NFYC: variants seen among roughly 807,000 people sequenced by gnomAD.
NFYC encodes CAAT box DNA-binding protein subunit C.
Under a neutral mutation model 53.1 loss-of-function variants are expected in NFYC, and 25 were observed. The observed-to-expected ratio is 0.47, with a 90% CI of 0.34 to 0.66. The LOEUF (loss-of-function observed/expected upper bound fraction) is 0.66, where lower values mean the gene tolerates loss of function less well. Among genes scored for constraint, NFYC ranks in the 30% least tolerant of loss-of-function variants. The pLI, the probability that NFYC is intolerant of heterozygous loss-of-function variation, is 0.01. For synonymous variants in NFYC, 145 were observed against 152.6 expected (o/e 0.95, Z 0.37); for missense variants, 260 against 422.7 (o/e 0.62, Z 3.38).
chr1:40,694,609 A>G (rs12060189), intron 1 of NFYC, among the ~76,000 whole-genome samples: 18,679 of 152,164 alleles, frequency 0.12, 1,273 homozygotes, highest in African/African-American at 0.15. Context: ...CGTTTTTAGT[A>G]AGACTAGACA....
At position 40,739,162 on chromosome 1, in the gene NFYC, C is replaced by T. The variant is rs114574097; in HGVS notation, c.105+214C>T. ...TTATATCTCAGTGTTCTTCCATAGG[C>T]GTGTGGTGTGCAGTGGATACTTTGA... On this transcript the variant is annotated intron_variant, in intron 2 of 9. Transcript: ENST00000447388. Among the ~76,000 whole-genome samples, 758 of 152,204 alleles carry T rather than the reference C, an allele frequency of 5.0e-3. 5 individuals carry two copies. The highest frequency in any genetic ancestry group is 0.017 in the African/African-American group (716 of 41,524).
At chr1:40,763,998 A>C (rs1646694548) in intron 7 of NFYC, among the ~76,000 whole-genome samples, 1 of 152,230 alleles carries the variant, frequency 6.6e-6, no homozygotes, top group Non-Finnish European at 1.5e-5. Flanking sequence ...TTTGGCTTTC[A>C]TATAACTTAT....
At chr1:40,750,281 A>C (rs774353264) in intron 4 of NFYC, among the ~76,000 whole-genome samples, 18 of 152,208 alleles carry the variant, frequency 1.2e-4, no homozygotes, top group East Asian at 1.9e-4. Flanking sequence ...GATTTCCCAG[A>C]TACAAGAAGA....
intron 1 of NFYC, among the ~76,000 whole-genome samples, chr1:40,712,043 C>G (rs1643944056): frequency 6.6e-6 from 1 of 152,104 alleles, no homozygotes; most frequent in Non-Finnish European, 1.5e-5. Flanking sequence ...TCATGTGTGT[C>G]AAAGTACTTT....
chr1:40,748,675 A>T (rs1456846976), intron 3 of NFYC, among the ~76,000 whole-genome samples: 5 of 152,192 alleles, frequency 3.3e-5, no homozygotes, highest in African/African-American at 1.2e-4. Context: ...CATCTCCATT[A>T]CAGATCTCAG....
At chr1:40,767,176 T>A (rs1646857493) in intron 8 of NFYC, 2 of 561,358 alleles carry the variant, frequency 3.6e-6, no homozygotes, top group Non-Finnish European at 6.5e-6. Context: ...CCTACAATAT[T>A]GATGGCTATG....
At chr1:40,763,082 A>G in intron 7 of NFYC, 36 bp downstream of exon 7, 1 of 1,505,678 alleles carries the variant, frequency 6.6e-7, no homozygotes, top group Non-Finnish European at 8.9e-7. Context: ...TTACAACTTT[A>G]TAGAAGGAAA....
chr1:40,743,058 A>G (rs1289182031), intron 2 of NFYC, among the ~76,000 whole-genome samples: 1 of 152,264 alleles, frequency 6.6e-6, no homozygotes, highest in Non-Finnish European at 1.5e-5. Context: ...AGTAAAACTT[A>G]CGAGAATATT....
chr1:40,768,622 C>T (rs1378444531), intron 8 of NFYC: 2 of 152,238 alleles, frequency 1.3e-5, no homozygotes, highest in African/African-American at 2.4e-5. Context: ...TCTAGTTTAC[C>T]GAGCTGCTCC....
chr1:40,733,848 A>G (rs1321174016), intron 1 of NFYC, among the ~76,000 whole-genome samples: 1 of 152,044 alleles, frequency 6.6e-6, no homozygotes, highest in Non-Finnish European at 1.5e-5. Context: ...GGTTCCAGTG[A>G]AACTGTTGCC....
chr1:40,715,455 C>T (rs1228799658), intron 1 of NFYC, among the ~76,000 whole-genome samples: 2 of 151,312 alleles, frequency 1.3e-5, no homozygotes, highest in African/African-American at 2.4e-5. Flanking sequence ...TTTTCCCTGG[C>T]TGGTCTCGAA....
chr1:40,768,639 T>C (rs1309044185), intron 8 of NFYC: 5 of 152,240 alleles, frequency 3.3e-5, no homozygotes, highest in African/African-American at 1.2e-4. Flanking sequence ...CTCCCAGCAG[T>C]TGTCATTATA....
intron 1 of NFYC, among the ~76,000 whole-genome samples, chr1:40,717,140 A>G (rs1644166381): frequency 6.6e-6 from 1 of 152,046 alleles, no homozygotes; most frequent in Non-Finnish European, 1.5e-5. Context: ...AGCTGAACCT[A>G]GGGGACAAAC....
chr1:40,762,984 G>A lies in NFYC; in HGVS notation c.658G>A (p.Gly220Arg), dbSNP rs755255020. The A allele has an allele frequency of 2.5e-6, 4 of 1,611,954 alleles. No individual in the cohort carries two copies. The highest frequency in any genetic ancestry group is 3.4e-6 in the Non-Finnish European group (4 of 1,178,838). Residue 220 changes from glycine (G) to arginine (R), a missense_variant, in exon 7 of 10, where the codon GGA (glycine) becomes AGA (arginine). Transcript: ENST00000447388. Reference protein sequence around the residue: ...GQAQQAQSGTGQTMQVMQQII... With the variant: ...GQAQQAQSGTRQTMQVMQQII... ...AGCCCAACAGGCCCAGAGTGGCACT[G>A]GACAGACCATGCAGGTGATGCAGCA...
intron 1 of NFYC, among the ~76,000 whole-genome samples, chr1:40,712,131 G>A (rs1643947054): frequency 6.6e-6 from 1 of 152,146 alleles, no homozygotes; most frequent in South Asian, 2.1e-4. Flanking sequence ...ATGAAGATAG[G>A]TGTGGCATCA....
chr1:40,753,267 A>G (rs369594495), intron 5 of NFYC, 21 bp downstream of exon 5: 66 of 1,570,714 alleles, frequency 4.2e-5, no homozygotes, highest in Non-Finnish European at 5.2e-5. Context: ...AAGGGATTGC[A>G]GTTGCTGCTG....
chr1:40,724,566 A>G (rs1183759414), intron 1 of NFYC, among the ~76,000 whole-genome samples: 1 of 152,188 alleles, frequency 6.6e-6, no homozygotes, highest in Non-Finnish European at 1.5e-5. Context: ...ATATATGCAG[A>G]GATGGTTTAA....
chr1:40,696,258 C>T (rs553349979), intron 1 of NFYC, among the ~76,000 whole-genome samples: 1 of 152,020 alleles, frequency 6.6e-6, no homozygotes, highest in Non-Finnish European at 1.5e-5. Flanking sequence ...CTCCTGACCT[C>T]GTGATCCGCC....
At chr1:40,766,825 C>G (rs1646836126) in intron 8 of NFYC, 122 bp downstream of exon 8, 1 of 1,481,350 alleles carries the variant, frequency 6.8e-7, no homozygotes, top group South Asian at 1.2e-5. Flanking sequence ...AGCACCACCC[C>G]CACACCCTCC....
Sources: gnomAD v4.1 joint callset for allele counts (sites outside exome capture counted in the v4.1 genomes callset) on GRCh38, gnomAD v4.1.1 for gene constraint, MANE v1.5 for transcripts, NCBI Gene and HGNC (gene_info 2026-07-23, HGNC 2026-07-21) for gene names.